SMURF1: variants seen among roughly 807,000 people sequenced by gnomAD.
The protein encoded by SMURF1 is E3 ubiquitin-protein ligase SMURF1.
SMURF1 carries 44 observed loss-of-function variants against 98.0 expected under a neutral mutation model. The ratio of observed to expected loss-of-function variants is 0.45; its 90% CI spans 0.35 to 0.58. The LOEUF (loss-of-function observed/expected upper bound fraction) is 0.58. SMURF1 is among the 20% of genes least tolerant of loss of function. SMURF1 has a pLI of 0.00. For missense variants in SMURF1, 687 were observed against 938.4 expected, an observed-to-expected ratio of 0.73 and a Z score of 3.50; for synonymous variants, 396 against 374.9, an observed-to-expected ratio of 1.06 and a Z score of -0.65.
Position 99,029,746 on chromosome 7 carries a change from A to T in SMURF1, c.*838T>A, listed in dbSNP as rs1794814694. 6.6e-6 allele frequency: 1 copy of T among 152,176 alleles called. No individual in the cohort carries two copies. The highest frequency in any genetic ancestry group is 2.1e-4 in the South Asian group (1 of 4,830). 9.4% of individuals were successfully genotyped at this position (152,176 alleles called of 1,614,324 possible). On this transcript the variant is annotated 3_prime_UTR_variant, in exon 18 of 18. Transcript: ENST00000361368. The stretch of plus-strand genomic sequence containing the variant: ...TGGACAACAGTGGCACAGAGGTCAC[A>T]GCTTTGGGACTGACTGGTTGGCTCT...
chr7:99,064,279 T>C (rs1369225739), intron 1 of SMURF1, among the ~76,000 whole-genome samples: 1 of 152,234 alleles, frequency 6.6e-6, no homozygotes, highest in Non-Finnish European at 1.5e-5. Flanking sequence ...ACTGGCCTCA[T>C]AAAATGAGCT....
At chr7:99,041,028 G>A (rs1354428698) in intron 12 of SMURF1, among the ~76,000 whole-genome samples, 1 of 152,082 alleles carries the variant, frequency 6.6e-6, no homozygotes, top group East Asian at 1.9e-4. Context: ...AGGAAGAGAG[G>A]GAAAGAGAGG....
intron 1 of SMURF1, among the ~76,000 whole-genome samples, chr7:99,065,012 A>T (rs1486618196): frequency 6.6e-6 from 1 of 152,124 alleles, no homozygotes; most frequent in Non-Finnish European, 1.5e-5. Context: ...AATGAGGAAA[A>T]TTTTTACCTA....
At chr7:99,084,148 T>A (rs1796628597) in intron 1 of SMURF1, among the ~76,000 whole-genome samples, 1 of 152,258 alleles carries the variant, frequency 6.6e-6, no homozygotes, top group African/African-American at 2.4e-5. Flanking sequence ...ACTGCTCAAA[T>A]CCTATCTCCT....
intron 1 of SMURF1, among the ~76,000 whole-genome samples, chr7:99,099,887 C>T (rs1220720358): frequency 6.6e-6 from 1 of 152,182 alleles, no homozygotes; most frequent in Admixed American, 6.5e-5. Context: ...ACTTTCCAAC[C>T]CCCAGAATCA....
Position 99,113,217 on chromosome 7 carries a change from G to T in SMURF1, c.55+30509C>A, listed in dbSNP as rs11767218. Among the ~76,000 whole-genome samples the T allele has an allele frequency of 5.1e-3, 777 of 152,140 alleles. 7 individuals are homozygous for T. The highest frequency in any genetic ancestry group is 0.011 in the African/African-American group (445 of 41,488). On this transcript the variant is annotated intron_variant, in intron 1 of 17. Coordinates refer to ENST00000361368, the MANE Select transcript of SMURF1 (RefSeq NM_181349.3). ...GATAAATTCAAAGGGATACACACAG[G>T]AACACATTATAATCAAATTGTTATA...
rs182287830 is a variant in SMURF1, at chr7:99,135,143, T to C, written c.55+8583A>G. Among the ~76,000 whole-genome samples the C allele has an allele frequency of 1.8e-4, 27 of 152,364 alleles. No homozygotes were observed. In the East Asian group the frequency reaches 4.2e-3, roughly 24 times the overall value. On this transcript the variant is annotated intron_variant, in intron 1 of 17. Transcript: ENST00000361368. ...GCACAATCATTTTGATTTTTCAGAA[T>C]GTCTACATTTCAAAACAATTGGCAG...
chr7:99,090,941 G>T (rs997672718), intron 1 of SMURF1, among the ~76,000 whole-genome samples: 1 of 152,134 alleles, frequency 6.6e-6, no homozygotes, highest in African/African-American at 2.4e-5. Context: ...CTAGTTAGGG[G>T]GTTGGCAAGC....
In SMURF1 at chr7:99,103,803, G is replaced by A. The variant is rs148601226; in HGVS notation, c.55+39923C>T. Among the ~76,000 whole-genome samples, 9 of 152,034 alleles carry A rather than the reference G, an allele frequency of 5.9e-5. No homozygotes were observed. The East Asian group carries it at 1.7e-3, about 29-fold the overall frequency. On this transcript the variant is annotated intron_variant, in intron 1 of 17. Transcript: ENST00000361368. ...ACACAGTAGGACACAAAACTTCAAA[G>A]AGAAAATTCATATATTGATGGAGAC... is the stretch of plus-strand genomic sequence containing the variant.
chr7:99,061,923 ACT>A (rs1796043237), intron 1 of SMURF1, 86 bp from the exon 2 acceptor site: 2 of 995,700 alleles, frequency 2.0e-6, no homozygotes, highest in Non-Finnish European at 2.9e-6. Flanking sequence ...GAACAAAAAG[ACT>A]CTAAAAATTA....
intron 1 of SMURF1, among the ~76,000 whole-genome samples, chr7:99,064,583 T>G (rs922190112): frequency 1.3e-5 from 2 of 152,238 alleles, no homozygotes; most frequent in Admixed American, 6.5e-5. Flanking sequence ...TTCTTCAGCC[T>G]TAGTAGTTTG....
At chr7:99,050,378 GT>G (rs1303248257) in intron 8 of SMURF1, 2 of 153,048 alleles carry the variant, frequency 1.3e-5, no homozygotes, top group African/African-American at 4.8e-5. Context: ...GGCCAGAAGG[GT>G]TTCTTCATTG....
intron 1 of SMURF1, among the ~76,000 whole-genome samples, chr7:99,120,420 A>T (rs1290799064): frequency 6.6e-6 from 1 of 152,188 alleles, no homozygotes; most frequent in Non-Finnish European, 1.5e-5. Context: ...AACACAACCT[A>T]AACAAAGCAA....
At chr7:99,089,437 G>A (rs767664736) in intron 1 of SMURF1, among the ~76,000 whole-genome samples, 6 of 151,764 alleles carry the variant, frequency 4.0e-5, no homozygotes, top group Admixed American at 6.6e-5. Context: ...CCAGGAGTTC[G>A]AGATCAGCCT....
At chr7:99,117,042 T>G (rs1797472403) in intron 1 of SMURF1, among the ~76,000 whole-genome samples, 2 of 151,776 alleles carry the variant, frequency 1.3e-5, no homozygotes, top group South Asian at 4.2e-4. Context: ...AATAAAGCCA[T>G]ATATTTACAG....
Position 99,052,191 on chromosome 7 carries a change from A to G in SMURF1, c.721+14T>C, listed in dbSNP as rs753944779. On this transcript the variant is annotated intron_variant, in intron 7 of 17. Coordinates refer to ENST00000361368, the MANE Select transcript of SMURF1 (RefSeq NM_181349.3). ...GGCAGATGGCATTGGCCACAGCAGG[A>G]TACATTCTCTCACCGTAGCCTTCGG... 12 of 1,529,274 alleles carry G rather than the reference A, an allele frequency of 7.8e-6. No homozygotes were observed. In the South Asian group the frequency reaches 1.2e-4, roughly 15 times the overall value. 94.7% of individuals were successfully genotyped at this position (1,529,274 alleles called of 1,614,324 possible).
At chr7:99,074,234 G>A (rs967882561) in intron 1 of SMURF1, among the ~76,000 whole-genome samples, 1 of 152,196 alleles carries the variant, frequency 6.6e-6, no homozygotes, top group South Asian at 2.1e-4. Flanking sequence ...GGTGACTGGG[G>A]AACTGGCCAT....
intron 13 of SMURF1, among the ~76,000 whole-genome samples, chr7:99,039,193 CAAAAAAAAAAAAAAAA>C (rs34106810): frequency 5.0e-5 from 3 of 60,476 alleles, no homozygotes; most frequent in Admixed American, 1.7e-4. Context: ...GACTCTGTCT[CAAAAAAAAAAAAAAAA>C]AAAAAAAAAA....
intron 1 of SMURF1, among the ~76,000 whole-genome samples, chr7:99,087,583 A>G (rs551682895): frequency 1.7e-4 from 26 of 152,362 alleles, no homozygotes; most frequent in African/African-American, 6.3e-4. Context: ...TAAAAGGAGT[A>G]TAAAAGGTAG....
Sources: allele counts gnomAD v4.1 joint callset (sites outside exome capture counted in the v4.1 genomes callset), GRCh38; gene constraint gnomAD v4.1.1; transcripts MANE v1.5; gene names NCBI Gene and HGNC (gene_info 2026-07-23, HGNC 2026-07-21).